The following TSC2 variants were observed in gnomAD, a reference collection of about 807,000 sequenced individuals.
TSC2 encodes tuberin.
TSC2 carries 29 observed loss-of-function variants against 202.2 expected under a neutral mutation model. That is an observed-to-expected ratio of 0.14 (90% CI 0.11 to 0.20). The LOEUF is 0.20. TSC2 is among the 10% of genes least tolerant of loss of function. The pLI is 1.00. For missense variants in TSC2, 2,429 were observed against 2,420.0 expected, an observed-to-expected ratio of 1.00 and a Z score of -0.08; for synonymous variants, 1,349 against 1,044.0, an observed-to-expected ratio of 1.29 and a Z score of -5.63.
chr16:2,080,739 C>T (rs2090042679), intron 30 of TSC2: 2 of 277,544 alleles, frequency 7.2e-6, no homozygotes, highest in African/African-American at 2.2e-5. Flanking sequence ...CCGCCTTGGC[C>T]TCCCAAAGTG....
intron 19 of TSC2, 142 bp from the exon 20 acceptor site, chr16:2,072,099 C>A: frequency 1.3e-6 from 2 of 1,527,180 alleles, no homozygotes; most frequent in Non-Finnish European, 8.8e-7. Flanking sequence ...CAGAGGCCTG[C>A]GCTGGGCAGG....
At position 2,088,605 on chromosome 16, in the gene TSC2, G is replaced by T. The variant is rs45486402; in HGVS notation, c.5419G>T (p.Val1807Leu). 6.2e-7 allele frequency: 1 copy of T among 1,602,982 alleles called. No individual in the cohort carries two copies. The change falls in exon 42 of 42, where the codon GTG (valine) becomes TTG (leucine). Residue 1807 changes from valine to leucine, a missense_variant. Transcript: ENST00000219476. ...CTCGGTGGAGGACTTCACCGAGTTT[G>T]TGTGAGGCCGGGGCCCTCCCTCCTG... Reference protein sequence around the residue: ...ISSVEDFTEFV With the variant: ...ISSVEDFTEFL
At chr16:2,063,674 G>T in intron 14 of TSC2, 1 of 225,030 alleles carries the variant, frequency 4.4e-6, no homozygotes, top group South Asian at 6.7e-5. Context: ...CACTGTCCTT[G>T]AATTGCCCTT....
intron 38 of TSC2, chr16:2,087,128 A>C: frequency 3.5e-6 from 2 of 568,286 alleles, no homozygotes; most frequent in Non-Finnish European, 6.3e-6. Flanking sequence ...GGGTGGGCAC[A>C]GTGTAGTTGG....
intron 30 of TSC2, chr16:2,080,689 T>A (rs187681496): frequency 2.4e-4 from 86 of 363,270 alleles, no homozygotes; most frequent in East Asian, 4.8e-4. Context: ...TTTCACTGTG[T>A]TAGCCAGGAT....
At chr16:2,061,205 A>ATAC in intron 11 of TSC2, 1 of 336,934 alleles carries the variant, frequency 3.0e-6, no homozygotes, top group South Asian at 2.5e-5. Flanking sequence ...AGCTTTAAGG[A>ATAC]GGACTCCACG....
In TSC2 at chr16:2,048,214, T is replaced by C. The variant is rs999034894; in HGVS notation, c.-30+149T>C. On this transcript the variant is annotated intron_variant, in intron 1 of 41. Transcript: ENST00000219476. ...CCGAGCATCCCTTAGTTTTAAGTCA[T>C]GGCGGGTGCGAACGGGTCTCTGCTG... 7 of 1,505,826 alleles carry C rather than the reference T, an allele frequency of 4.6e-6. No individual in the cohort carries two copies. The African/African-American group carries it at 8.3e-5, about 18-fold the overall frequency. The allele number at this position is 1,505,826 out of a possible 1,614,324, so 93.3% of individuals were successfully genotyped here. A position where few individuals can be genotyped will look rare whatever the true frequency, so the allele number is the denominator to read the frequency against.
At position 2,054,329 on chromosome 16, in the gene TSC2, T is replaced by C. The variant is rs547231441; in HGVS notation, c.370T>C (p.Phe124Leu). The change falls in exon 5 of 42, where the codon TTT (phenylalanine) becomes CTT (leucine). Residue 124 changes from phenylalanine to leucine, a missense_variant. Phe to Leu is a conservative substitution (Grantham distance 22). Transcript: ENST00000219476. ...ERLGVLRALF[F>L]KVIKDYPSNE... ...TTTGGGGGTCCTCAGAGCCCTCTTCTTTAAGGTCATCAAGGATTACCCTTC... is the reference window on the plus strand; with the variant it reads ...TTTGGGGGTCCTCAGAGCCCTCTTCCTTAAGGTCATCAAGGATTACCCTTC... 6.2e-7 allele frequency: 1 copy of C among 1,614,170 alleles called. No homozygotes were observed. Among genetic ancestry groups the C allele is most frequent in the Admixed American group, 1.7e-5 (1 of 60,028 alleles).
rs2089923637 is a variant in TSC2, at chr16:2,079,987, G to A, written c.3398-178G>A. On this transcript the variant is annotated intron_variant, in intron 29 of 41. Transcript: ENST00000219476. The surrounding 1 kb of genome is among the most constrained non-coding windows in gnomAD (Gnocchi z 4.6). Reference sequence around the variant, plus strand: ...CAGGACAGGTTCTGGGTCCCTCCCTGTGGCCCTGGGTTCACTGAGGCCAGC... The same window carrying A: ...CAGGACAGGTTCTGGGTCCCTCCCTATGGCCCTGGGTTCACTGAGGCCAGC... Among the ~76,000 whole-genome samples the A allele has an allele frequency of 6.6e-6, 1 of 152,212 alleles. No individual in the cohort carries two copies. Among genetic ancestry groups the A allele is most frequent in the Non-Finnish European group, 1.5e-5 (1 of 68,028 alleles).
At position 2,054,387 on chromosome 16, in the gene TSC2, T is replaced by A. The variant is rs2151043120; in HGVS notation, c.428T>A (p.Phe143Tyr). Reference sequence around the variant, plus strand: ...GACCTTCACGAAAGGCTGGAGGTTTTCAAGGCCCTCACAGACAATGGGAGA... The same window carrying A: ...GACCTTCACGAAAGGCTGGAGGTTTACAAGGCCCTCACAGACAATGGGAGA... ...NEDLHERLEVFKALTDNGRHI... is the reference protein window; with the variant it reads ...NEDLHERLEVYKALTDNGRHI... Residue 143 changes from phenylalanine to tyrosine, a missense_variant, in exon 5 of 42, where the codon TTC (phenylalanine) becomes TAC (tyrosine). Coordinates refer to ENST00000219476, the MANE Select transcript of TSC2 (RefSeq NM_000548.5). 3 of 1,614,228 alleles carry A rather than the reference T, an allele frequency of 1.9e-6. No homozygotes were observed. The highest frequency in any genetic ancestry group is 2.5e-6 in the Non-Finnish European group (3 of 1,180,032).
chr16:2,081,481 T>C, intron 30 of TSC2, 114 bp from the exon 31 acceptor site: 1 of 1,316,986 alleles, frequency 7.6e-7, no homozygotes, highest in Non-Finnish European at 1.1e-6. Flanking sequence ...TCCTGAGGAT[T>C]GTGGGAGGGA....
chr16:2,079,491 C>T lies in TSC2; in HGVS notation c.3284+63C>T. Reference sequence around the variant, plus strand: ...CGACACCGGCTGTCCCGAGCCCAGGCCCACGTGGCACCCTCGTACCAGCCT... The same window carrying T: ...CGACACCGGCTGTCCCGAGCCCAGGTCCACGTGGCACCCTCGTACCAGCCT... On this transcript the variant is annotated intron_variant, in intron 28 of 41. Transcript: ENST00000219476. This position sits in a 1 kb window ranked among gnomAD's most constrained non-coding sequence, Gnocchi z 4.6. The T allele has an allele frequency of 1.2e-6, 2 of 1,608,878 alleles. No homozygotes were observed. The highest frequency in any genetic ancestry group is 1.7e-6 in the Non-Finnish European group (2 of 1,178,246).
At chr16:2,064,151 T>A in intron 14 of TSC2, 121 bp from the exon 15 acceptor site, 2 of 1,508,054 alleles carry the variant, frequency 1.3e-6, no homozygotes, top group South Asian at 2.3e-5. Context: ...TCTGCCCAGC[T>A]GTGCTGAAGT....
At chr16:2,085,090 C>A (rs1567527754) in intron 35 of TSC2, 64 bp downstream of exon 35, 2 of 1,606,170 alleles carry the variant, frequency 1.2e-6, no homozygotes, top group East Asian at 4.5e-5. Context: ...TGGTGGGGGG[C>A]CCAGCTCTGC....
At chr16:2,071,153 G>C (rs112387143) in intron 17 of TSC2, among the ~76,000 whole-genome samples, 1 of 152,182 alleles carries the variant, frequency 6.6e-6, no homozygotes, top group Non-Finnish European at 1.5e-5. Context: ...TCAGCCTGTC[G>C]ATGGAAGAAG....
chr16:2,048,010 G>A lies in TSC2; in HGVS notation c.-85G>A, dbSNP rs540716235. ...GCTTCCGGCGGCGTCCCGGGGCCAG[G>A]GGGGTGCGCCTTTCTCCGCGTCGGG... On this transcript the variant is annotated 5_prime_UTR_variant, in exon 1 of 42. Transcript: ENST00000219476. The A allele has an allele frequency of 5.7e-5, 84 of 1,476,304 alleles. No homozygotes were observed. Among genetic ancestry groups the A allele is most frequent in the Admixed American group, 3.0e-4 (13 of 43,666 alleles). 91.5% of individuals were successfully genotyped at this position (1,476,304 alleles called of 1,614,324 possible). A position where few individuals can be genotyped will look rare whatever the true frequency, so the allele number is the denominator to read the frequency against.
chr16:2,061,904 C>A lies in TSC2; in HGVS notation c.1153C>A (p.His385Asn), dbSNP rs1410290642. ...LDSPELRTIV[H>N]DLLTTVEELC... ...CAGCCCGGAGCTCAGGACCATCGTC[C>A]ATGACCTGTTGACCACGGTGGAGGA... Residue 385 changes from histidine to asparagine, a missense_variant, in exon 12 of 42, where the codon CAT becomes AAT. Transcript: ENST00000219476. 6.2e-7 allele frequency: 1 copy of A among 1,614,074 alleles called. No individual in the cohort carries two copies. The highest frequency in any genetic ancestry group is 1.7e-5 in the Admixed American group (1 of 60,006).
chr16:2,083,092 G>A (rs1295105945), intron 32 of TSC2: 2 of 455,030 alleles, frequency 4.4e-6, no homozygotes, highest in African/African-American at 2.0e-5. Context: ...CTGACTGCGC[G>A]TGTGCAGGGC....
rs202212109 is a variant in TSC2 at position 2,085,319 on chromosome 16, C to T, written c.4659C>T (p.Gly1553=). The part of the protein sequence containing the change: ...HKIAVLYVGE[G]QSNSELAILS... ...TCGCCGTCCTGTATGTTGGAGAAGG[C>T]CAGGTGAGGCTGCGGGGCCGGCCTA... The change falls in exon 36 of 42, where the codon GGC becomes GGT. Residue 1553 remains glycine, a synonymous_variant. Coordinates refer to ENST00000219476, the MANE Select transcript of TSC2 (RefSeq NM_000548.5). 6.2e-7 allele frequency: 1 copy of T among 1,612,532 alleles called. No homozygotes were observed. The highest frequency in any genetic ancestry group is 1.3e-5 in the African/African-American group (1 of 74,914).
Sources: allele counts gnomAD v4.1 joint callset (sites outside exome capture counted in the v4.1 genomes callset), GRCh38; gene constraint gnomAD v4.1.1; non-coding constraint Gnocchi (gnomAD v3.1); transcripts MANE v1.5; gene names NCBI Gene and HGNC (gene_info 2026-07-23, HGNC 2026-07-21).